Variants in MACROD2 observed in about 807,000 individuals in gnomAD.
The protein encoded by MACROD2 is ADP-ribose glycohydrolase MACROD2.
MACROD2 carries 36 observed loss-of-function variants against 70.4 expected under a neutral mutation model. The ratio of observed to expected loss-of-function variants is 0.51; its 90% confidence interval spans 0.39 to 0.68. MACROD2 has a LOEUF of 0.68. Among genes scored for constraint, MACROD2 ranks in the 30% least tolerant of loss-of-function variants. The probability of loss-of-function intolerance (pLI) is 0.00; values close to 1 mark genes in which losing one functional copy is unlikely to be tolerated. For synonymous variants in MACROD2, 172 were observed against 178.8 expected (o/e 0.96, Z 0.30); for missense variants, 496 against 538.4 (o/e 0.92, Z 0.78).
intron 8 of MACROD2, among the ~76,000 whole-genome samples, chr20:15,555,828 CAAAAAAAAAAAA>C (rs397838341): frequency 5.9e-4 from 11 of 18,566 alleles, no homozygotes; most frequent in Admixed American, 9.0e-4. Context: ...GACTCCATCT[CAAAAAAAAAAAA>C]AAAAAAAAAA....
intron 3 of MACROD2, among the ~76,000 whole-genome samples, chr20:14,365,185 A>G (rs2083260614): frequency 6.6e-6 from 1 of 151,872 alleles, no homozygotes; most frequent in Non-Finnish European, 1.5e-5. Flanking sequence ...TTTCTTCTTT[A>G]GTCAGTTTTG....
In MACROD2 at chr20:15,069,123, G is replaced by T. The variant is rs771803285; in HGVS notation, c.419-160817G>T. Among the ~76,000 whole-genome samples, 54 of 152,134 alleles carry T rather than the reference G, an allele frequency of 3.5e-4. 1 individual carries two copies. Among genetic ancestry groups the T allele is most frequent in the Admixed American group, 3.2e-3 (49 of 15,276 alleles). On this transcript the variant is annotated intron_variant, in intron 5 of 17. Transcript: ENST00000684519. ...AAGGGCTTGGCTGCATTGCATCCAC[G>T]TCTGAGGCCTCTGTGGAAGGTGAAA...
intron 9 of MACROD2, among the ~76,000 whole-genome samples, chr20:15,869,210 C>CATTAT (rs1555788799): frequency 3.9e-5 from 2 of 51,892 alleles, no homozygotes; most frequent in African/African-American, 1.2e-4. Flanking sequence ...ATGTGATTAA[C>CATTAT]ATATATATAT....
At chr20:14,762,979 GCTA>G (rs1555826899) in intron 5 of MACROD2, among the ~76,000 whole-genome samples, 2 of 151,938 alleles carry the variant, frequency 1.3e-5, no homozygotes, top group Non-Finnish European at 2.9e-5. Context: ...AGACAGGTAA[GCTA>G]AGCACAGAAC....
intron 6 of MACROD2, among the ~76,000 whole-genome samples, chr20:15,316,159 C>CA (rs1005821129): frequency 1.4e-5 from 2 of 142,362 alleles, no homozygotes; most frequent in African/African-American, 5.1e-5. Flanking sequence ...AAATAAGGAA[C>CA]AAAAAAAGTA....
intron 15 of MACROD2, among the ~76,000 whole-genome samples, chr20:16,004,474 A>T (rs1034865273): frequency 1.3e-5 from 2 of 152,200 alleles, no homozygotes; most frequent in Non-Finnish European, 2.9e-5. Context: ...CAGGGCCACG[A>T]CTACTCCAAA....
At chr20:15,666,737 C>A (rs142188316) in intron 8 of MACROD2, among the ~76,000 whole-genome samples, 1 of 152,268 alleles carries the variant, frequency 6.6e-6, no homozygotes, top group Non-Finnish European at 1.5e-5. Flanking sequence ...TGCTTGCCCT[C>A]AAGAAGATTA....
rs1041833747 is a variant in MACROD2, at chr20:15,927,722, G to A, written c.776-5554G>A. On this transcript the variant is annotated intron_variant, in intron 10 of 17. Transcript: ENST00000684519. The stretch of plus-strand genomic sequence containing the variant: ...ATGAGGCTCTTCATTAAAACAATGA[G>A]GCAGCCAACATGGAAACTTTTCTAA... 3.3e-5 allele frequency among the ~76,000 whole-genome samples: 5 copies of A among 151,980 alleles called. No homozygotes were observed. The East Asian group carries it at 9.6e-4, about 29-fold the overall frequency.
chr20:15,925,837 A>G (rs2065480809), intron 10 of MACROD2, among the ~76,000 whole-genome samples: 1 of 152,016 alleles, frequency 6.6e-6, no homozygotes. Flanking sequence ...CTGTTTTGAG[A>G]CACAATGATA....
At chr20:14,441,041 C>T (rs547167454) in intron 3 of MACROD2, among the ~76,000 whole-genome samples, 16 of 152,222 alleles carry the variant, frequency 1.1e-4, no homozygotes, top group Middle Eastern at 3.4e-3. Flanking sequence ...CTTGTGATTA[C>T]GGGAAATTCT....
intron 5 of MACROD2, among the ~76,000 whole-genome samples, chr20:14,702,585 ATGTATATATATGTGTGTATATATATG>A (rs2071212466): frequency 2.9e-5 from 2 of 69,170 alleles, no homozygotes; most frequent in African/African-American, 6.0e-5. Context: ...GTGTATATAT[ATGTATATATATGTGTGTATATATATG>A]TGTATATATA....
At chr20:14,123,246 T>A (rs1190044526) in intron 3 of MACROD2, among the ~76,000 whole-genome samples, 2 of 152,196 alleles carry the variant, frequency 1.3e-5, no homozygotes, top group African/African-American at 4.8e-5. Context: ...TATCATTGAT[T>A]ATCTGAAGCT....
chr20:15,575,839 C>T (rs532867751), intron 8 of MACROD2, among the ~76,000 whole-genome samples: 48 of 152,206 alleles, frequency 3.2e-4, no homozygotes, highest in African/African-American at 1.1e-3. Context: ...TGTCTCTTTC[C>T]GGCCACGACT....
chr20:15,867,035 G>T lies in MACROD2; in HGVS notation c.727+4209G>T, dbSNP rs924675420. Among the ~76,000 whole-genome samples, 3 of 152,200 alleles carry T rather than the reference G, an allele frequency of 2.0e-5. No homozygotes were observed. In the East Asian group the frequency reaches 5.8e-4, roughly 29 times the overall value. ...CTGGAGGCTAGAAGCCCAAGGCCAA[G>T]TGGAGGCAAGATTAATTTCTTCAGA... On this transcript the variant is annotated intron_variant, in intron 9 of 17. Coordinates refer to ENST00000684519, the MANE Select transcript of MACROD2 (RefSeq NM_001351661.2).
Position 14,930,922 on chromosome 20 carries a change from C to T in MACROD2, c.418+245963C>T, listed in dbSNP as rs567279038. ...GCTCACATCTGTAGTCCTAGCTTCC[C>T]AGGAGGCTGAGGCAGGAGGATCACT... On this transcript the variant is annotated intron_variant, in intron 5 of 17. Transcript: ENST00000684519. Among the ~76,000 whole-genome samples, 179 of 149,720 alleles carry T rather than the reference C, an allele frequency of 1.2e-3. 1 individual carries two copies. Among genetic ancestry groups the T allele is most frequent in the Admixed American group, 2.7e-3 (40 of 15,050 alleles).
intron 5 of MACROD2, among the ~76,000 whole-genome samples, chr20:14,783,532 A>T (rs549009384): frequency 6.6e-6 from 1 of 152,242 alleles, no homozygotes; most frequent in South Asian, 2.1e-4. Flanking sequence ...TGGTGATAAT[A>T]GTACGTACTT....
At chr20:14,742,923 T>C (rs3966706) in intron 5 of MACROD2, among the ~76,000 whole-genome samples, 140,579 of 151,552 alleles carry the variant, frequency 0.93, 65,264 homozygotes, top group East Asian at 1. Flanking sequence ...CCCGCCACTA[T>C]GCCCGGCTAA....
chr20:14,792,753 T>G (rs893853161), intron 5 of MACROD2, among the ~76,000 whole-genome samples: 1 of 152,074 alleles, frequency 6.6e-6, no homozygotes, highest in Admixed American at 6.5e-5. Context: ...TGGAAATTCA[T>G]TTACCAAGTT....
chr20:14,215,133 T>C (rs572786527), intron 3 of MACROD2, among the ~76,000 whole-genome samples: 72 of 147,814 alleles, frequency 4.9e-4, no homozygotes, highest in Non-Finnish European at 7.8e-4. Context: ...TATTCCATCA[T>C]ATATATATAT....
Sources: gnomAD v4.1 joint callset for allele counts (sites outside exome capture counted in the v4.1 genomes callset) on GRCh38, gnomAD v4.1.1 for gene constraint, MANE v1.5 for transcripts, NCBI Gene and HGNC (gene_info 2026-07-23, HGNC 2026-07-21) for gene names.